CELSR1: variants seen among roughly 807,000 people sequenced by gnomAD.
CELSR1 encodes the protein adhesion G protein-coupled receptor C1.
CELSR1 carries 110 observed loss-of-function variants against 249.1 expected under a neutral mutation model. That is an observed-to-expected ratio of 0.44 (90% CI 0.38 to 0.52). CELSR1 has a LOEUF of 0.52. Ranked by LOEUF, CELSR1 falls within the 20% of genes least tolerant of loss-of-function variation. The pLI is 0.00. For missense variants in CELSR1, 4,109 were observed against 4,296.4 expected (o/e 0.96, Z 1.22); for synonymous variants, 2,113 against 1,900.0 (o/e 1.11, Z -2.92).
rs904452983 is a variant in CELSR1 at position 46,391,917 on chromosome 22, G to T, written c.5965-101C>A. Reference sequence around the variant, plus strand: ...GACGTCCAGACTCCCACCCGGGTGTGTGTGTTGGCCGCCAGCCATCCCACC... The same window carrying T: ...GACGTCCAGACTCCCACCCGGGTGTTTGTGTTGGCCGCCAGCCATCCCACC... On this transcript the variant is annotated intron_variant, in intron 14 of 34. Coordinates refer to ENST00000674500, the MANE Select transcript of CELSR1 (RefSeq NM_001378328.1). This position sits in a 1 kb window ranked among gnomAD's most constrained non-coding sequence, Gnocchi z 4.3. The T allele has an allele frequency of 5.5e-6, 7 of 1,284,088 alleles. No individual in the cohort carries two copies. The highest frequency in any genetic ancestry group is 5.4e-5 in the Admixed American group (2 of 37,282). 79.5% of individuals were successfully genotyped at this position (1,284,088 alleles called of 1,614,324 possible). A position where few individuals can be genotyped will look rare whatever the true frequency, so the allele number is the denominator to read the frequency against.
rs2080872230 is a variant in CELSR1, at chr22:46,537,520, G to A, written c.-350C>T. 6.7e-6 allele frequency among the ~76,000 whole-genome samples: 1 copy of A among 148,290 alleles called. No homozygotes were observed. The highest frequency in any genetic ancestry group is 6.7e-5 in the Admixed American group (1 of 14,938). On this transcript the variant is annotated 5_prime_UTR_variant, in exon 1 of 35. Transcript: ENST00000674500. This position sits in a 1 kb window ranked among gnomAD's most constrained non-coding sequence, Gnocchi z 5.8. Reference sequence around the variant, plus strand: ...TCGGCCGGACGGGCGTGGGAAGCGGGGCGGGCCCGGCGCGGGGCGGGGGCT... The same window carrying A: ...TCGGCCGGACGGGCGTGGGAAGCGGAGCGGGCCCGGCGCGGGGCGGGGGCT...
intron 1 of CELSR1, among the ~76,000 whole-genome samples, chr22:46,470,578 C>T (rs1215520463): frequency 6.6e-6 from 1 of 152,170 alleles, no homozygotes; most frequent in Non-Finnish European, 1.5e-5. Context: ...GAGTGCCTTA[C>T]TGTTAATCCT....
chr22:46,385,620 G>A (rs1463242678), intron 19 of CELSR1, among the ~76,000 whole-genome samples: 3 of 151,778 alleles, frequency 2.0e-5, no homozygotes, highest in South Asian at 2.1e-4. Context: ...ATCACAGACT[G>A]TCTTCCCAAA....
intron 1 of CELSR1, among the ~76,000 whole-genome samples, chr22:46,532,138 C>T (rs1247883440): frequency 6.6e-6 from 1 of 152,230 alleles, no homozygotes; most frequent in Non-Finnish European, 1.5e-5. Flanking sequence ...AACATCCCTG[C>T]CCCCAGCATG....
chr22:46,494,982 G>GAA (rs1294953914), intron 1 of CELSR1, among the ~76,000 whole-genome samples: 3 of 152,228 alleles, frequency 2.0e-5, no homozygotes, highest in Admixed American at 2.0e-4. Context: ...AAAGACTGGG[G>GAA]AAAACATTCT....
chr22:46,378,832 A>C, intron 22 of CELSR1, 115 bp from the exon 23 acceptor site: 11 of 1,337,258 alleles, frequency 8.2e-6, no homozygotes, highest in African/African-American at 1.4e-5. Context: ...GCCAAACCAA[A>C]CAGCAGGTGC....
intron 25 of CELSR1, among the ~76,000 whole-genome samples, chr22:46,372,080 C>T (rs977689128): frequency 6.6e-6 from 1 of 151,768 alleles, no homozygotes; most frequent in African/African-American, 2.4e-5. Context: ...CTAATCCCAT[C>T]CCTCCATCCA....
At chr22:46,510,325 A>C (rs113568555) in intron 1 of CELSR1, among the ~76,000 whole-genome samples, 3,858 of 152,128 alleles carry the variant, frequency 0.025, 180 homozygotes, top group African/African-American at 0.086. Flanking sequence ...TGAGCCACAG[A>C]GGCTGGAATG....
Position 46,363,874 on chromosome 22 carries a change from C to T in CELSR1, c.9035+122G>A. On this transcript the variant is annotated intron_variant, in intron 34 of 34. Transcript: ENST00000674500. This position sits in a 1 kb window ranked among gnomAD's most constrained non-coding sequence, Gnocchi z 4.3. ...CCCTCCCCCATCCCCGCCTGGGCTT[C>T]CTCTGCACTCAGGGCTCCAGGTGAG... 7.5e-7 allele frequency: 1 copy of T among 1,328,966 alleles called. No homozygotes were observed. Among genetic ancestry groups the T allele is most frequent in the South Asian group, 1.6e-5 (1 of 63,124 alleles). The allele number at this position is 1,328,966 out of a possible 1,614,324, so 82.3% of individuals were successfully genotyped here.
At chr22:46,386,208 G>A (rs1420324227) in intron 19 of CELSR1, among the ~76,000 whole-genome samples, 194 bp downstream of exon 19, 1 of 152,108 alleles carries the variant, frequency 6.6e-6, no homozygotes, top group Non-Finnish European at 1.5e-5. Context: ...GACCTCATGT[G>A]GTCTGCCTGT....
rs540684778 is a variant in CELSR1, at chr22:46,537,445, TGCG to T, written c.-278_-276del. On this transcript the variant is annotated 5_prime_UTR_variant, in exon 1 of 35. Coordinates refer to ENST00000674500, the MANE Select transcript of CELSR1 (RefSeq NM_001378328.1). This position sits in a 1 kb window ranked among gnomAD's most constrained non-coding sequence, Gnocchi z 5.8. ...CCCGGGAGGGCGCCGCGCATCAACC[TGCG>T]GCGGCGGCGGCGGCTCCAGGCGGCT... is the stretch of plus-strand genomic sequence containing the variant. Among the ~76,000 whole-genome samples, 1,618 of 141,888 alleles carry T rather than the reference TGCG, an allele frequency of 0.011. 25 individuals carry two copies. Among genetic ancestry groups the T allele is most frequent in the African/African-American group, 0.039 (1,519 of 38,812 alleles). The allele number at this position is 141,888 out of a possible 152,430, so 93.1% of individuals were successfully genotyped here.
rs922014950 is a variant in CELSR1, at chr22:46,484,639, C to T, written c.3545-20294G>A. 2.0e-5 allele frequency among the ~76,000 whole-genome samples: 3 copies of T among 146,396 alleles called. No individual in the cohort carries two copies. Among genetic ancestry groups the T allele is most frequent in the African/African-American group, 7.5e-5 (3 of 39,818 alleles). On this transcript the variant is annotated intron_variant, in intron 1 of 34. Coordinates refer to ENST00000674500, the MANE Select transcript of CELSR1 (RefSeq NM_001378328.1). This position sits in a 1 kb window ranked among gnomAD's most constrained non-coding sequence, Gnocchi z 4.5. The stretch of plus-strand genomic sequence containing the variant: ...GAGCTACCTGGCCCACTCACTGCAG[C>T]ACCTGTTTTGGCTGGGCATGGGGGT...
At chr22:46,388,555 G>A (rs111877644) in intron 18 of CELSR1, among the ~76,000 whole-genome samples, 2,874 of 151,222 alleles carry the variant, frequency 0.019, 92 homozygotes, top group African/African-American at 0.066. Context: ...GGATGAGGAG[G>A]TCCCTGAGGG....
At position 46,378,600 on chromosome 22, in the gene CELSR1, G is replaced by C; in HGVS notation, c.7374C>G (p.Ser2458=). Residue 2458 remains serine, a synonymous_variant, in exon 23 of 35, where the codon TCC becomes TCG. Coordinates refer to ENST00000674500, the MANE Select transcript of CELSR1 (RefSeq NM_001378328.1). ...TASFAVLMDI[S]RRENGEVLPL... is the part of the protein sequence containing the mutation. ...ACGGGAGGATGCCCACCTCACGCCT[G>C]GAGATATCCATGAGCACCGCAAAGC... 1.3e-6 allele frequency: 2 copies of C among 1,576,180 alleles called. No individual in the cohort carries two copies. Among genetic ancestry groups the C allele is most frequent in the Non-Finnish European group, 1.7e-6 (2 of 1,161,418 alleles).
At chr22:46,371,415 G>T (rs1467711867) in intron 25 of CELSR1, among the ~76,000 whole-genome samples, 4 of 152,158 alleles carry the variant, frequency 2.6e-5, no homozygotes, top group Non-Finnish European at 4.4e-5. Flanking sequence ...CAGGAAAAGG[G>T]GTTCTTCTTT....
chr22:46,384,478 G>A lies in CELSR1; in HGVS notation c.6883+65C>T, dbSNP rs182429985. The A allele has an allele frequency of 9.9e-3, 14,883 of 1,509,440 alleles. 88 individuals are homozygous for A. Among genetic ancestry groups the A allele is most frequent in the Non-Finnish European group, 0.011 (12,804 of 1,125,810 alleles). The allele number at this position is 1,509,440 out of a possible 1,614,324, so 93.5% of individuals were successfully genotyped here. A position where few individuals can be genotyped will look rare whatever the true frequency, so the allele number is the denominator to read the frequency against. On this transcript the variant is annotated intron_variant, in intron 20 of 34. Transcript: ENST00000674500. The stretch of plus-strand genomic sequence containing the variant: ...GCGCAGGTCCTGCGATGCCCGCAGC[G>A]GGGCCCTCCCCTCCCTGAACGCTGG...
At chr22:46,368,183 T>C (rs968522386) in intron 27 of CELSR1, among the ~76,000 whole-genome samples, 5 of 152,170 alleles carry the variant, frequency 3.3e-5, no homozygotes, top group African/African-American at 1.2e-4. Flanking sequence ...TGAGATACCC[T>C]GTGGAGAGGC....
In CELSR1 at chr22:46,428,352, G is replaced by A. The variant is rs752258565; in HGVS notation, c.4611+5041C>T. On this transcript the variant is annotated intron_variant, in intron 5 of 34. Transcript: ENST00000674500. This position sits in a 1 kb window ranked among gnomAD's most constrained non-coding sequence, Gnocchi z 5.7. ...CACCCGTGGCCAGCATGGCGATCGCGACCAGCACAGCATCGTCCCCGGCCA... is the reference window on the plus strand; with the variant it reads ...CACCCGTGGCCAGCATGGCGATCGCAACCAGCACAGCATCGTCCCCGGCCA... Among the ~76,000 whole-genome samples the A allele has an allele frequency of 3.9e-5, 6 of 152,202 alleles. No individual in the cohort carries two copies. Among genetic ancestry groups the A allele is most frequent in the Non-Finnish European group, 7.3e-5 (5 of 68,034 alleles).
Position 46,446,209 on chromosome 22 carries a change from C to T in CELSR1, c.4184-6798G>A, listed in dbSNP as rs1256315624. 2.0e-5 allele frequency among the ~76,000 whole-genome samples: 3 copies of T among 152,218 alleles called. No homozygotes were observed. Among genetic ancestry groups the T allele is most frequent in the Admixed American group, 6.5e-5 (1 of 15,284 alleles). On this transcript the variant is annotated intron_variant, in intron 2 of 34. Transcript: ENST00000674500. This position sits in a 1 kb window ranked among gnomAD's most constrained non-coding sequence, Gnocchi z 5.5. ...CAGGGCAGCTACAGATGGCCCTGTG[C>T]GTACACTGCAGGCCATCCTCCAGCC...
Sources: allele counts gnomAD v4.1 joint callset (sites outside exome capture counted in the v4.1 genomes callset), GRCh38; gene constraint gnomAD v4.1.1; non-coding constraint Gnocchi (gnomAD v3.1); transcripts MANE v1.5; gene names NCBI Gene and HGNC (gene_info 2026-07-23, HGNC 2026-07-21).